The following PDZRN4 variants were observed in gnomAD, a reference collection of about 807,000 sequenced individuals.
PDZRN4 encodes PDZ domain containing ring finger 4.
PDZRN4 carries 70 observed loss-of-function variants against 99.0 expected under a neutral mutation model. The observed-to-expected ratio is 0.71, with a 90% confidence interval of 0.58 to 0.86. The LOEUF is 0.86. Ranked by LOEUF, PDZRN4 falls within the 40% of genes least tolerant of loss-of-function variation. The pLI is 0.00. For missense variants in PDZRN4, 1,474 were observed against 1,331.2 expected (o/e 1.11, Z -1.67); for synonymous variants, 551 against 501.6 (o/e 1.10, Z -1.32).
chr12:41,367,848 A>T (rs1247080100), intron 3 of PDZRN4, among the ~76,000 whole-genome samples: 5 of 152,162 alleles, frequency 3.3e-5, no homozygotes, highest in Non-Finnish European at 7.4e-5. Flanking sequence ...AGGAAAAAAA[A>T]TCCTGGCGCC....
intron 5 of PDZRN4, among the ~76,000 whole-genome samples, chr12:41,511,913 C>G (rs965024498): frequency 3.3e-5 from 5 of 152,128 alleles, no homozygotes; most frequent in South Asian, 2.1e-4. Flanking sequence ...GCAGACTGAT[C>G]TGGTGTTTCT....
intron 3 of PDZRN4, among the ~76,000 whole-genome samples, chr12:41,467,634 T>C (rs1363418223): frequency 1.3e-5 from 2 of 152,164 alleles, no homozygotes; most frequent in African/African-American, 4.8e-5. Context: ...TTTGCAGGTT[T>C]AACACATCCA....
intron 3 of PDZRN4, among the ~76,000 whole-genome samples, chr12:41,430,374 C>A (rs2120436252): frequency 6.6e-6 from 1 of 151,490 alleles, no homozygotes; most frequent in South Asian, 2.1e-4. Context: ...GAGGCTTAGG[C>A]AGGAGAATTA....
intron 3 of PDZRN4, among the ~76,000 whole-genome samples, chr12:41,445,245 G>A (rs548676091): frequency 1.3e-5 from 2 of 151,876 alleles, no homozygotes; most frequent in South Asian, 4.2e-4. Flanking sequence ...TGAATTTGTT[G>A]GTGAAGTAAG....
At chr12:41,506,255 A>G (rs1344112862) in intron 3 of PDZRN4, among the ~76,000 whole-genome samples, 2 of 152,210 alleles carry the variant, frequency 1.3e-5, no homozygotes, top group African/African-American at 4.8e-5. Context: ...TTATAAAGAT[A>G]CAGAAGTAAT....
chr12:41,261,563 C>T (rs113141763), intron 3 of PDZRN4, among the ~76,000 whole-genome samples: 5,916 of 152,290 alleles, frequency 0.039, 397 homozygotes, highest in African/African-American at 0.14. Flanking sequence ...GATCTCGGCT[C>T]ACTGCAAGCT....
At chr12:41,243,933 A>G (rs141873926) in intron 3 of PDZRN4, among the ~76,000 whole-genome samples, 7 of 152,322 alleles carry the variant, frequency 4.6e-5, no homozygotes, top group Middle Eastern at 3.4e-3. Context: ...ATGTGCCTCC[A>G]GACTGAGTAC....
intron 3 of PDZRN4, among the ~76,000 whole-genome samples, chr12:41,391,033 G>C (rs188507081): frequency 6.6e-6 from 1 of 152,092 alleles, no homozygotes; most frequent in East Asian, 1.9e-4. Flanking sequence ...AAATGTTCCC[G>C]GAGTATTACA....
chr12:41,542,529 C>T (rs1406520142), intron 5 of PDZRN4, among the ~76,000 whole-genome samples: 2 of 152,216 alleles, frequency 1.3e-5, no homozygotes. Flanking sequence ...CATTCAGCAT[C>T]TCTCTCCCAT....
chr12:41,214,253 A>T (rs4102613), intron 3 of PDZRN4, among the ~76,000 whole-genome samples: 6 of 42,972 alleles, frequency 1.4e-4, no homozygotes, highest in Admixed American at 5.3e-4. Flanking sequence ...CCCTGTATTT[A>T]AAAAAAAAAA....
chr12:41,467,417 T>C (rs1446500565), intron 3 of PDZRN4, among the ~76,000 whole-genome samples: 2 of 152,216 alleles, frequency 1.3e-5, no homozygotes, highest in Admixed American at 1.3e-4. Context: ...TGATTCACAA[T>C]TGAACTGTTT....
chr12:41,209,742 A>G (rs1043637292), intron 3 of PDZRN4, among the ~76,000 whole-genome samples: 14 of 148,832 alleles, frequency 9.4e-5, no homozygotes, highest in Admixed American at 8.1e-4. Flanking sequence ...AATCCAGTCT[A>G]TCGTTGTTGG....
At chr12:41,425,060 A>G (rs1952523790) in intron 3 of PDZRN4, among the ~76,000 whole-genome samples, 1 of 152,196 alleles carries the variant, frequency 6.6e-6, no homozygotes, top group Non-Finnish European at 1.5e-5. Context: ...CATTCACAAC[A>G]TATGATTAAA....
At chr12:41,337,042 G>A (rs1373397877) in intron 3 of PDZRN4, among the ~76,000 whole-genome samples, 1 of 152,040 alleles carries the variant, frequency 6.6e-6, no homozygotes, top group Non-Finnish European at 1.5e-5. Flanking sequence ...TCCTGCAAAG[G>A]CAGACTGGTC....
intron 5 of PDZRN4, among the ~76,000 whole-genome samples, chr12:41,541,507 G>T (rs147103422): frequency 0.011 from 1,695 of 149,450 alleles, 23 homozygotes; most frequent in East Asian, 0.053. Context: ...GGAGTGGAGT[G>T]CAGTGGCTCA....
intron 3 of PDZRN4, among the ~76,000 whole-genome samples, chr12:41,505,990 C>T (rs1938198589): frequency 6.6e-6 from 1 of 151,956 alleles, no homozygotes; most frequent in Non-Finnish European, 1.5e-5. Context: ...ATAACATGGT[C>T]TTGGATTAAA....
chr12:41,218,607 A>C (rs1475059380), intron 3 of PDZRN4, among the ~76,000 whole-genome samples: 2 of 152,122 alleles, frequency 1.3e-5, no homozygotes, highest in Admixed American at 6.6e-5. Context: ...GGGCGTAATA[A>C]GTGACTCCTC....
chr12:41,280,565 T>G (rs1303221264), intron 3 of PDZRN4, among the ~76,000 whole-genome samples: 1 of 152,134 alleles, frequency 6.6e-6, no homozygotes, highest in Non-Finnish European at 1.5e-5. Context: ...AATTAGACAG[T>G]ATTCCCCTCA....
rs115624451 is a variant in PDZRN4 at position 41,318,186 on chromosome 12, G to A, written c.843+123998G>A. Among the ~76,000 whole-genome samples the A allele has an allele frequency of 3.3e-3, 501 of 152,184 alleles. 7 individuals are homozygous for A. The highest frequency in any genetic ancestry group is 0.012 in the African/African-American group (482 of 41,520). On this transcript the variant is annotated intron_variant, in intron 3 of 9. Transcript: ENST00000402685. ...ATTATTGCCTAGATTTGAGTCTTAGGATCAGTTTTCAGAAGATAATCAAAA... is the reference window on the plus strand; with the variant it reads ...ATTATTGCCTAGATTTGAGTCTTAGAATCAGTTTTCAGAAGATAATCAAAA...
Sources: gnomAD v4.1 joint callset for allele counts (sites outside exome capture counted in the v4.1 genomes callset) on GRCh38, gnomAD v4.1.1 for gene constraint, MANE v1.5 for transcripts, NCBI Gene and HGNC (gene_info 2026-07-23, HGNC 2026-07-21) for gene names.